CTNND2: variants seen among roughly 807,000 people sequenced by gnomAD.
The protein encoded by CTNND2 is catenin delta 2.
A neutral mutation model predicts 144.4 loss-of-function variants in CTNND2; 22 were observed. The observed-to-expected ratio is 0.15, with a 90% confidence interval of 0.11 to 0.22. The LOEUF (loss-of-function observed/expected upper bound fraction) is 0.22. Ranked by LOEUF, CTNND2 falls within the 10% of genes least tolerant of loss-of-function variation. The probability of loss-of-function intolerance (pLI) is 1.00; values close to 1 mark genes in which losing one functional copy is unlikely to be tolerated. For synonymous variants in CTNND2, 751 were observed against 695.6 expected, an observed-to-expected ratio of 1.08 and a Z score of -1.25; for missense variants, 1,353 against 1,618.8, an observed-to-expected ratio of 0.84 and a Z score of 2.82.
Position 11,172,579 on chromosome 5 carries a change from A to G in CTNND2, c.1976-12820T>C, listed in dbSNP as rs566592305. On this transcript the variant is annotated intron_variant, in intron 11 of 21. Transcript: ENST00000304623. ...CAGAGCTGGGAAGACAATGATAGGA[A>G]AATGAAAGAAGTGGTCTCAAGCCTC... Among the ~76,000 whole-genome samples the G allele has an allele frequency of 9.8e-5, 15 of 152,346 alleles. No individual in the cohort carries two copies. In the South Asian group the frequency reaches 3.1e-3, roughly 32 times the overall value.
chr5:11,702,096 C>A (rs909284680), intron 2 of CTNND2, among the ~76,000 whole-genome samples: 1 of 152,166 alleles, frequency 6.6e-6, no homozygotes, highest in African/African-American at 2.4e-5. Flanking sequence ...AAACACAGTG[C>A]ACAGAACCAG....
At chr5:11,737,446 A>G (rs1787748499) in intron 1 of CTNND2, among the ~76,000 whole-genome samples, 1 of 152,184 alleles carries the variant, frequency 6.6e-6, no homozygotes, top group Non-Finnish European at 1.5e-5. Context: ...TTTTGGACAG[A>G]CCCATCTTCC....
intron 6 of CTNND2, among the ~76,000 whole-genome samples, chr5:11,394,265 G>A (rs977769933): frequency 3.9e-5 from 6 of 152,166 alleles, no homozygotes; most frequent in Admixed American, 2.6e-4. Context: ...AGTTCCTTGA[G>A]GACTGGGATC....
intron 16 of CTNND2, 55 bp from the exon 17 acceptor site, chr5:11,023,034 T>C: frequency 6.5e-7 from 1 of 1,530,750 alleles, no homozygotes; most frequent in Admixed American, 1.7e-5. Context: ...AAGGCAGAGA[T>C]AGTGGCAGAG....
At chr5:11,348,710 C>T (rs927907557) in intron 8 of CTNND2, among the ~76,000 whole-genome samples, 2 of 151,768 alleles carry the variant, frequency 1.3e-5, no homozygotes, top group Non-Finnish European at 2.9e-5. Context: ...AATTTGACTA[C>T]CCACACAAAA....
Position 11,602,456 on chromosome 5 carries a change from T to C in CTNND2, c.175-37400A>G, listed in dbSNP as rs199511431. 2.6e-5 allele frequency among the ~76,000 whole-genome samples: 4 copies of C among 151,648 alleles called. No homozygotes were observed. The East Asian group carries it at 7.7e-4, about 29-fold the overall frequency. ...TGCTATTCAAACACCCTCTTGGCAG[T>C]TGAAGCAAGAAACAAGGGCACTGCC... On this transcript the variant is annotated intron_variant, in intron 2 of 21. Transcript: ENST00000304623.
chr5:11,479,671 G>T (rs1384323558), intron 3 of CTNND2, among the ~76,000 whole-genome samples: 1 of 151,744 alleles, frequency 6.6e-6, no homozygotes, highest in East Asian at 1.9e-4. Context: ...GCTATTTTTT[G>T]ATTTCTTAAT....
chr5:11,511,839 G>A (rs895808743), intron 3 of CTNND2, among the ~76,000 whole-genome samples: 6 of 152,020 alleles, frequency 3.9e-5, no homozygotes, highest in Admixed American at 3.9e-4. Flanking sequence ...CTACAAACAC[G>A]CAGCTCACTA....
Position 11,479,251 on chromosome 5 carries a change from T to C in CTNND2, c.288-67182A>G, listed in dbSNP as rs10060701. Among the ~76,000 whole-genome samples the C allele has an allele frequency of 2.5e-3, 374 of 152,320 alleles. 1 individual carries two copies. Among genetic ancestry groups the C allele is most frequent in the African/African-American group, 8.5e-3 (355 of 41,582 alleles). On this transcript the variant is annotated intron_variant, in intron 3 of 21. Transcript: ENST00000304623. Reference sequence around the variant, plus strand: ...ACTTATAAATGAGAACATGTGGTAATTGGTTTTCTATTCTTGCGTTAGTTT... The same window carrying C: ...ACTTATAAATGAGAACATGTGGTAACTGGTTTTCTATTCTTGCGTTAGTTT...
At chr5:11,074,368 G>T (rs1190081028) in intron 16 of CTNND2, among the ~76,000 whole-genome samples, 1 of 152,192 alleles carries the variant, frequency 6.6e-6, no homozygotes, top group Non-Finnish European at 1.5e-5. Flanking sequence ...GATACTCTGA[G>T]CATGGAGAGG....
chr5:10,985,172 G>C (rs1737787685), intron 20 of CTNND2, among the ~76,000 whole-genome samples: 1 of 152,124 alleles, frequency 6.6e-6, no homozygotes, highest in Non-Finnish European at 1.5e-5. Flanking sequence ...TGGATGAAAG[G>C]GTATGTGGGA....
intron 3 of CTNND2, among the ~76,000 whole-genome samples, chr5:11,439,790 A>ATCTG (rs1169434942): frequency 6.5e-5 from 8 of 123,656 alleles, no homozygotes; most frequent in Non-Finnish European, 1.1e-4. Flanking sequence ...CTATCTATCT[A>ATCTG]TCTATCTATC....
At chr5:11,649,878 ATTATTATTT>A (rs1205052347) in intron 2 of CTNND2, among the ~76,000 whole-genome samples, 1 of 152,180 alleles carries the variant, frequency 6.6e-6, no homozygotes, top group Non-Finnish European at 1.5e-5. Context: ...CTTTGGCATT[ATTATTATTT>A]TTATAATTAT....
At chr5:11,126,940 G>A (rs1043486228) in intron 12 of CTNND2, among the ~76,000 whole-genome samples, 12 of 152,284 alleles carry the variant, frequency 7.9e-5, no homozygotes, top group East Asian at 3.9e-4. Context: ...TTAAAAATGC[G>A]TACTTTTAGA....
At chr5:11,279,574 C>T (rs1746908117) in intron 9 of CTNND2, among the ~76,000 whole-genome samples, 1 of 152,122 alleles carries the variant, frequency 6.6e-6, no homozygotes, top group Non-Finnish European at 1.5e-5. Flanking sequence ...ATTCATGTTA[C>T]CCCTCTTAAG....
chr5:11,717,930 G>A (rs1464038705), intron 2 of CTNND2, among the ~76,000 whole-genome samples: 2 of 152,104 alleles, frequency 1.3e-5, no homozygotes, highest in East Asian at 3.9e-4. Flanking sequence ...CACCATTAAT[G>A]CTATCAACAC....
At chr5:11,885,109 G>A (rs1474912837) in intron 1 of CTNND2, among the ~76,000 whole-genome samples, 3 of 152,088 alleles carry the variant, frequency 2.0e-5, no homozygotes, top group African/African-American at 7.2e-5. Flanking sequence ...CAGAGATAAT[G>A]GCCTGTAGTT....
chr5:11,096,282 A>C (rs1328081881), intron 15 of CTNND2, among the ~76,000 whole-genome samples: 5 of 152,174 alleles, frequency 3.3e-5, no homozygotes, highest in African/African-American at 4.8e-5. Flanking sequence ...CGTTATCTAC[A>C]TTAGGTATTT....
chr5:11,827,003 A>G (rs1793638781), intron 1 of CTNND2, among the ~76,000 whole-genome samples: 1 of 152,102 alleles, frequency 6.6e-6, no homozygotes, highest in Non-Finnish European at 1.5e-5. Context: ...AAAACATTCC[A>G]CACAAAAATA....
Sources: allele counts gnomAD v4.1 joint callset (sites outside exome capture counted in the v4.1 genomes callset), GRCh38; gene constraint gnomAD v4.1.1; transcripts MANE v1.5; gene names NCBI Gene and HGNC (gene_info 2026-07-23, HGNC 2026-07-21).